NCKAP5: variants seen among roughly 807,000 people sequenced by gnomAD.
NCKAP5 encodes the protein NCK associated protein 5, also known as nck-associated protein 5.
Under a neutral mutation model 167.0 loss-of-function variants are expected in NCKAP5, and 92 were observed. The ratio of observed to expected loss-of-function variants is 0.55; its 90% CI spans 0.47 to 0.66. The LOEUF is 0.66. Among genes scored for constraint, NCKAP5 ranks in the 30% least tolerant of loss-of-function variants. The pLI is 0.00. For synonymous variants in NCKAP5, 891 were observed against 877.4 expected, an observed-to-expected ratio of 1.02 and a Z score of -0.27; for missense variants, 2,378 against 2,315.0, an observed-to-expected ratio of 1.03 and a Z score of -0.56.
chr2:132,819,304 G>A (rs183545080), intron 11 of NCKAP5, among the ~76,000 whole-genome samples: 1 of 152,240 alleles, frequency 6.6e-6, no homozygotes, highest in Non-Finnish European at 1.5e-5. Context: ...AGGAACTTAC[G>A]TTAATTCAAA....
At chr2:133,506,359 T>C (rs1683003411) in intron 3 of NCKAP5, among the ~76,000 whole-genome samples, 1 of 152,226 alleles carries the variant, frequency 6.6e-6, no homozygotes, top group South Asian at 2.1e-4. Context: ...GCAGAGTATA[T>C]TATTTTATAG....
intron 2 of NCKAP5, among the ~76,000 whole-genome samples, chr2:133,553,246 G>C (rs1467610781): frequency 1.3e-5 from 2 of 152,194 alleles, no homozygotes; most frequent in East Asian, 3.8e-4. Flanking sequence ...TTAAGCACAG[G>C]CAGTAAATCG....
At position 132,737,847 on chromosome 2, in the gene NCKAP5, C is replaced by A. The variant is rs147692211; in HGVS notation, c.5129-5796G>T. 1.6e-3 allele frequency among the ~76,000 whole-genome samples: 247 copies of A among 152,290 alleles called. 1 individual carries two copies. The highest frequency in any genetic ancestry group is 5.7e-3 in the African/African-American group (238 of 41,568). On this transcript the variant is annotated intron_variant, in intron 16 of 19. Transcript: ENST00000409261. ...CGTGCAGGCATAACTGGATTTGATT[C>A]ATCTCCTCCATTCTCCCATATAAGT...
Position 132,773,678 on chromosome 2 carries a change from G to T in NCKAP5, c.5128+138C>A, listed in dbSNP as rs551413284. On this transcript the variant is annotated intron_variant, in intron 16 of 19. Coordinates refer to ENST00000409261, the MANE Select transcript of NCKAP5 (RefSeq NM_207363.3). ...TATGGTAACGTCCAATGTCTAAGGAGATAATGGCAACCATGTGTGAATAGT... is the reference window on the plus strand; with the variant it reads ...TATGGTAACGTCCAATGTCTAAGGATATAATGGCAACCATGTGTGAATAGT... 1.7e-5 allele frequency: 12 copies of T among 689,090 alleles called. No individual in the cohort carries two copies. The African/African-American group carries it at 2.2e-4, about 12-fold the overall frequency. The allele number at this position is 689,090 out of a possible 1,614,324, so 42.7% of individuals were successfully genotyped here.
intron 3 of NCKAP5, among the ~76,000 whole-genome samples, 172 bp downstream of exon 3, chr2:133,517,286 T>A (rs921731750): frequency 2.0e-5 from 3 of 152,242 alleles, no homozygotes; most frequent in Admixed American, 6.5e-5. Context: ...TTCCAATAAT[T>A]TGCTGGCTTT....
chr2:133,376,763 C>G (rs1311922590), intron 3 of NCKAP5, among the ~76,000 whole-genome samples: 10 of 152,188 alleles, frequency 6.6e-5, no homozygotes, highest in Admixed American at 6.5e-4. Flanking sequence ...CTTGATCACA[C>G]TGGGACTAGA....
rs115341893 is a variant in NCKAP5 at position 132,886,966 on chromosome 2, G to C, written c.580-8050C>G. On this transcript the variant is annotated intron_variant, in intron 8 of 19. Transcript: ENST00000409261. ...ATATTTCAAAATCTGAAAAAAATCA[G>C]AAAGTTGAAACACTTCTGGTCCTAA... Among the ~76,000 whole-genome samples, 1,301 of 152,274 alleles carry C rather than the reference G, an allele frequency of 8.5e-3. 16 individuals carry two copies. The highest frequency in any genetic ancestry group is 0.03 in the African/African-American group (1,264 of 41,546).
At chr2:133,325,194 C>T (rs553795216) in intron 3 of NCKAP5, among the ~76,000 whole-genome samples, 19 of 152,244 alleles carry the variant, frequency 1.2e-4, no homozygotes, top group Admixed American at 3.3e-4. Flanking sequence ...CATAGCTTTA[C>T]CATGTTAAGC....
chr2:132,830,717 C>T (rs1229485434), intron 11 of NCKAP5, among the ~76,000 whole-genome samples: 1 of 152,176 alleles, frequency 6.6e-6, no homozygotes, highest in Admixed American at 6.5e-5. Flanking sequence ...TCACTTCCTG[C>T]AGTTGTTAAA....
At chr2:132,796,543 C>A in intron 12 of NCKAP5, 85 bp downstream of exon 12, 2 of 895,406 alleles carry the variant, frequency 2.2e-6, no homozygotes, top group Admixed American at 4.3e-5. Context: ...CAAGGATGCA[C>A]TTTATGGTTC....
intron 9 of NCKAP5, among the ~76,000 whole-genome samples, chr2:132,870,106 T>C (rs1690687301): frequency 2.0e-5 from 3 of 152,192 alleles, no homozygotes; most frequent in Non-Finnish European, 4.4e-5. Flanking sequence ...TATAACACAA[T>C]TCCAGCTAAG....
intron 19 of NCKAP5, 100 bp downstream of exon 19, chr2:132,725,527 A>G: frequency 7.2e-7 from 1 of 1,393,252 alleles, no homozygotes; most frequent in African/African-American, 1.5e-5. Context: ...AAGAAAAAAC[A>G]TAAAATCAAA....
At chr2:133,485,174 A>G (rs934035276) in intron 3 of NCKAP5, among the ~76,000 whole-genome samples, 5 of 152,210 alleles carry the variant, frequency 3.3e-5, no homozygotes, top group African/African-American at 1.2e-4. Context: ...TATATTTATA[A>G]AGAAAATGGA....
intron 13 of NCKAP5, 84 bp downstream of exon 13, chr2:132,789,939 C>A: frequency 7.3e-7 from 1 of 1,375,480 alleles, no homozygotes; most frequent in South Asian, 1.5e-5. Flanking sequence ...CTTCTTACCC[C>A]TCCCACCTGC....
chr2:133,217,645 G>C (rs936970747), intron 4 of NCKAP5, among the ~76,000 whole-genome samples: 2 of 152,076 alleles, frequency 1.3e-5, no homozygotes, highest in Non-Finnish European at 2.9e-5. Flanking sequence ...CCGGTTGCCT[G>C]AGTGGAGATT....
chr2:132,733,869 T>C (rs1691256680), intron 16 of NCKAP5, among the ~76,000 whole-genome samples: 1 of 152,148 alleles, frequency 6.6e-6, no homozygotes, highest in South Asian at 2.1e-4. Context: ...TGGTGCTTGG[T>C]ATTGGAAGTA....
At chr2:133,350,932 G>A (rs1684319437) in intron 3 of NCKAP5, among the ~76,000 whole-genome samples, 4 of 151,810 alleles carry the variant, frequency 2.6e-5, no homozygotes, top group African/African-American at 7.3e-5. Context: ...ACTTGTCTTA[G>A]CTCAGAGAAA....
chr2:132,920,771 G>GTATGTATGTGTGTGTGTATA (rs1553479343), intron 8 of NCKAP5, among the ~76,000 whole-genome samples: 1 of 31,570 alleles, frequency 3.2e-5, no homozygotes, highest in African/African-American at 1.1e-4. Context: ...ATATATGTAT[G>GTATGTATGTGTGTGTGTATA]TATATATATA....
intron 8 of NCKAP5, among the ~76,000 whole-genome samples, chr2:132,908,477 CT>C (rs1330900059): frequency 6.6e-6 from 1 of 152,182 alleles, no homozygotes. Context: ...GGATATTATT[CT>C]TCTATCGAAT....
Sources: gnomAD v4.1 joint callset for allele counts (sites outside exome capture counted in the v4.1 genomes callset) on GRCh38, gnomAD v4.1.1 for gene constraint, MANE v1.5 for transcripts, NCBI Gene and HGNC (gene_info 2026-07-23, HGNC 2026-07-21) for gene names.